CLMP: variants seen among roughly 807,000 people sequenced by gnomAD.
CLMP encodes CXADR-like membrane protein.
CLMP carries 27 observed loss-of-function variants against 45.2 expected under a neutral mutation model. The ratio of observed to expected loss-of-function variants is 0.60; its 90% CI spans 0.44 to 0.82. CLMP has a LOEUF of 0.82. Among genes scored for constraint, CLMP ranks in the 40% least tolerant of loss-of-function variants. The pLI, the probability that CLMP is intolerant of heterozygous loss-of-function variation, is 0.00. For missense variants in CLMP, 403 were observed against 448.4 expected (o/e 0.90, Z 0.91); for synonymous variants, 167 against 171.4 (o/e 0.97, Z 0.20).
chr11:123,175,817 G>C (rs1425497396), intron 1 of CLMP, among the ~76,000 whole-genome samples: 2 of 152,168 alleles, frequency 1.3e-5, no homozygotes, highest in African/African-American at 4.8e-5. Flanking sequence ...CATAGAAAGA[G>C]CTCACTCTGA....
chr11:123,148,770 G>T (rs535177351), intron 1 of CLMP, among the ~76,000 whole-genome samples: 4 of 152,318 alleles, frequency 2.6e-5, no homozygotes, highest in African/African-American at 4.8e-5. Flanking sequence ...CTAGTCAATT[G>T]CGTGCATGGC....
chr11:123,145,290 C>G lies in CLMP; in HGVS notation c.29-47338G>C, dbSNP rs1456559298. Among the ~76,000 whole-genome samples the G allele has an allele frequency of 5.9e-5, 9 of 152,006 alleles. No homozygotes were observed. The East Asian group carries it at 1.5e-3, about 26-fold the overall frequency. On this transcript the variant is annotated intron_variant, in intron 1 of 6. Transcript: ENST00000448775. Reference sequence around the variant, plus strand: ...GCTATTAAAGGGTTAACTTTGTGCTCTCGTCTGTTTTCGTGCCAACCTCTG... The same window carrying G: ...GCTATTAAAGGGTTAACTTTGTGCTGTCGTCTGTTTTCGTGCCAACCTCTG...
intron 1 of CLMP, among the ~76,000 whole-genome samples, chr11:123,171,854 T>C (rs990759488): frequency 1.3e-5 from 2 of 152,182 alleles, no homozygotes; most frequent in Admixed American, 6.5e-5. Context: ...AAGTTATACA[T>C]ACTTGTTATA....
chr11:123,137,795 A>G (rs1022041976), intron 1 of CLMP, among the ~76,000 whole-genome samples: 1 of 152,152 alleles, frequency 6.6e-6, no homozygotes, highest in Non-Finnish European at 1.5e-5. Flanking sequence ...GGAAGGCGCC[A>G]GGCTCGGTGA....
intron 1 of CLMP, among the ~76,000 whole-genome samples, chr11:123,112,233 C>A (rs1299239232): frequency 6.6e-6 from 1 of 152,174 alleles, no homozygotes; most frequent in African/African-American, 2.4e-5. Context: ...CCCTGGAATG[C>A]TCTGACTATA....
At position 123,195,000 on chromosome 11, in the gene CLMP, G is replaced by C; in HGVS notation, c.-60C>G. 1 of 1,569,608 alleles carries C rather than the reference G, an allele frequency of 6.4e-7. No homozygotes were observed. The highest frequency in any genetic ancestry group is 1.1e-5 in the South Asian group (1 of 87,216). ...CTGCTGCTTGGCTCCGGGGCGGCCG[G>C]GCGCCTCCGACGGACCTCGGGCGAG... On this transcript the variant is annotated 5_prime_UTR_variant, in exon 1 of 7. Coordinates refer to ENST00000448775, the MANE Select transcript of CLMP (RefSeq NM_024769.5).
intron 1 of CLMP, among the ~76,000 whole-genome samples, chr11:123,119,745 G>T (rs568019451): frequency 1.9e-4 from 29 of 151,632 alleles, no homozygotes; most frequent in African/African-American, 6.8e-4. Context: ...GGAGTACAGC[G>T]GTGCAATGTC....
At chr11:123,102,279 G>GTTTTTT (rs1174991262) in intron 1 of CLMP, among the ~76,000 whole-genome samples, 3 of 120,924 alleles carry the variant, frequency 2.5e-5, no homozygotes, top group Admixed American at 9.7e-5. Flanking sequence ...ATCTTTCCAG[G>GTTTTTT]TTTTTTTTTT....
At chr11:123,151,556 C>T (rs941997544) in intron 1 of CLMP, among the ~76,000 whole-genome samples, 4 of 152,170 alleles carry the variant, frequency 2.6e-5, no homozygotes, top group Non-Finnish European at 5.9e-5. Flanking sequence ...TGCTGTACTG[C>T]CACTTTTCCA....
intron 1 of CLMP, among the ~76,000 whole-genome samples, chr11:123,150,623 A>AAAGG (rs1272353418): frequency 6.2e-5 from 9 of 144,950 alleles, no homozygotes; most frequent in Non-Finnish European, 1.2e-4. Context: ...GGAAGGAAGG[A>AAAGG]AAGGAAGGAA....
intron 1 of CLMP, among the ~76,000 whole-genome samples, chr11:123,107,030 A>T (rs1318728239): frequency 6.6e-6 from 1 of 150,790 alleles, no homozygotes; most frequent in Admixed American, 6.6e-5. Context: ...AAAAAAAAAA[A>T]AAATAATAAT....
At chr11:123,121,473 T>C (rs946733273) in intron 1 of CLMP, among the ~76,000 whole-genome samples, 3 of 152,090 alleles carry the variant, frequency 2.0e-5, no homozygotes, top group African/African-American at 7.2e-5. Flanking sequence ...AATTTTTGTA[T>C]TTTTAGTAGA....
intron 1 of CLMP, among the ~76,000 whole-genome samples, chr11:123,132,084 G>T (rs4454733): frequency 0.14 from 21,480 of 151,924 alleles, 1,912 homozygotes; most frequent in East Asian, 0.25. Flanking sequence ...TAATCTTTGC[G>T]GGGGGGTCTA....
intron 1 of CLMP, among the ~76,000 whole-genome samples, chr11:123,156,119 C>G (rs571101435): frequency 6.6e-6 from 1 of 152,230 alleles, no homozygotes; most frequent in Non-Finnish European, 1.5e-5. Context: ...AGATTACTGT[C>G]CTTATGAGAA....
intron 1 of CLMP, among the ~76,000 whole-genome samples, chr11:123,109,485 T>G (rs575925101): frequency 6.6e-6 from 1 of 152,328 alleles, no homozygotes; most frequent in South Asian, 2.1e-4. Context: ...TTATTTTTCC[T>G]TCCCCACACC....
intron 1 of CLMP, among the ~76,000 whole-genome samples, chr11:123,113,063 A>G (rs768288221): frequency 6.6e-5 from 10 of 152,170 alleles, no homozygotes; most frequent in Admixed American, 5.2e-4. Context: ...GTGAGCCACC[A>G]CACTCACCCA....
intron 1 of CLMP, among the ~76,000 whole-genome samples, chr11:123,126,449 G>A (rs900478630): frequency 6.6e-6 from 1 of 152,056 alleles, no homozygotes; most frequent in African/African-American, 2.4e-5. Flanking sequence ...GTAGAGACGG[G>A]AGTCTCAGTG....
At chr11:123,150,500 G>GA (rs1555084567) in intron 1 of CLMP, among the ~76,000 whole-genome samples, 3 of 103,784 alleles carry the variant, frequency 2.9e-5, no homozygotes, top group Admixed American at 1.0e-4. Context: ...AGGAAGGAAG[G>GA]AAGGAAGGAA....
chr11:123,148,902 C>T (rs1327228348), intron 1 of CLMP, among the ~76,000 whole-genome samples: 1 of 152,216 alleles, frequency 6.6e-6, no homozygotes, highest in East Asian at 1.9e-4. Flanking sequence ...CTTCTAGAAA[C>T]ATCTGCCTCT....
Sources: gnomAD v4.1 joint callset for allele counts (sites outside exome capture counted in the v4.1 genomes callset) on GRCh38, gnomAD v4.1.1 for gene constraint, MANE v1.5 for transcripts, NCBI Gene and HGNC (gene_info 2026-07-23, HGNC 2026-07-21) for gene names.